Variants in IPCEF1 observed in about 807,000 individuals in gnomAD.
IPCEF1 encodes interaction protein for cytohesin exchange factors 1, also known as interactor protein for cytohesin exchange factors 1.
In IPCEF1, 31 loss-of-function variants were observed where a neutral mutation model predicts 50.9. That is an observed-to-expected ratio of 0.61 (90% CI 0.46 to 0.82). The LOEUF is 0.82. Among genes scored for constraint, IPCEF1 ranks in the 40% least tolerant of loss-of-function variants. IPCEF1 has a pLI of 0.00. For synonymous variants in IPCEF1, 181 were observed against 192.0 expected (o/e 0.94, Z 0.47); for missense variants, 458 against 514.0 (o/e 0.89, Z 1.05).
chr6:154,342,975 G>T (rs1036191882), intron 1 of IPCEF1, among the ~76,000 whole-genome samples: 1 of 152,080 alleles, frequency 6.6e-6, no homozygotes, highest in African/African-American at 2.4e-5. Flanking sequence ...AACTAGTAAG[G>T]CTTGGTCACA....
intron 1 of IPCEF1, among the ~76,000 whole-genome samples, chr6:154,354,312 C>T (rs1016634470): frequency 6.6e-6 from 1 of 151,960 alleles, no homozygotes; most frequent in Non-Finnish European, 1.5e-5. Context: ...GCCATCTGTA[C>T]CATCACCTCT....
At chr6:154,174,890 C>A (rs1800186674) in intron 10 of IPCEF1, among the ~76,000 whole-genome samples, 1 of 152,220 alleles carries the variant, frequency 6.6e-6, no homozygotes. Context: ...CACCACATCA[C>A]ACTTATTCTA....
intron 10 of IPCEF1, among the ~76,000 whole-genome samples, chr6:154,189,741 G>T (rs1263740819): frequency 6.6e-6 from 1 of 152,010 alleles, no homozygotes; most frequent in Non-Finnish European, 1.5e-5. Flanking sequence ...GGCCGAGGTG[G>T]GTGGATCACC....
chr6:154,273,403 C>A (rs1214627427), intron 2 of IPCEF1, among the ~76,000 whole-genome samples: 1 of 152,156 alleles, frequency 6.6e-6, no homozygotes, highest in Non-Finnish European at 1.5e-5. Context: ...TGTTTATAAG[C>A]GAGCATGTTC....
At chr6:154,283,252 C>T (rs9322459) in intron 2 of IPCEF1, among the ~76,000 whole-genome samples, 104,509 of 138,136 alleles carry the variant, frequency 0.76, 40,263 homozygotes, top group African/African-American at 0.91. Context: ...AGATCACGCA[C>T]TGCACTCCAG....
chr6:154,170,343 A>G (rs1445662995), intron 10 of IPCEF1, among the ~76,000 whole-genome samples: 2 of 152,210 alleles, frequency 1.3e-5, no homozygotes, highest in Non-Finnish European at 2.9e-5. Context: ...CAGCCTCTCC[A>G]TAGGGTGGAG....
At chr6:154,302,050 C>T (rs1020956551) in intron 1 of IPCEF1, among the ~76,000 whole-genome samples, 5 of 152,164 alleles carry the variant, frequency 3.3e-5, no homozygotes, top group African/African-American at 1.2e-4. Context: ...AGATAGACAA[C>T]TTCCAAATAA....
chr6:154,266,811 A>G (rs1562572593), intron 2 of IPCEF1, among the ~76,000 whole-genome samples: 2 of 152,078 alleles, frequency 1.3e-5, no homozygotes, highest in African/African-American at 4.8e-5. Context: ...TGTGGTTTCA[A>G]GAAAAGCAAA....
intron 1 of IPCEF1, among the ~76,000 whole-genome samples, chr6:154,344,776 AC>A (rs1783993463): frequency 1.3e-5 from 2 of 152,118 alleles, no homozygotes; most frequent in South Asian, 4.1e-4. Flanking sequence ...TTATTATTCA[AC>A]TTTTTTCTCC....
Position 154,175,727 on chromosome 6 carries a change from G to A in IPCEF1, c.911-7614C>T, listed in dbSNP as rs530025685. Among the ~76,000 whole-genome samples, 39 of 152,208 alleles carry A rather than the reference G, an allele frequency of 2.6e-4. 1 individual carries two copies. The highest frequency in any genetic ancestry group is 2.3e-3 in the East Asian group (12 of 5,180). ...TCCAGGACCAGATGGATTCGCAGCC[G>A]AATTCTACCAGAGGTACAAAGAGGA... On this transcript the variant is annotated intron_variant, in intron 10 of 11. Transcript: ENST00000367220.
At chr6:154,221,883 A>G (rs1478073251) in intron 6 of IPCEF1, among the ~76,000 whole-genome samples, 1 of 152,222 alleles carries the variant, frequency 6.6e-6, no homozygotes, top group Admixed American at 6.5e-5. Context: ...CAAAAAACAA[A>G]TAAATAAATA....
At chr6:154,185,268 T>C (rs1005011562) in intron 10 of IPCEF1, among the ~76,000 whole-genome samples, 4 of 152,214 alleles carry the variant, frequency 2.6e-5, no homozygotes, top group Non-Finnish European at 4.4e-5. Flanking sequence ...GGAGCAGCTA[T>C]AGACATGGAG....
chr6:154,281,309 C>T (rs1196760907), intron 2 of IPCEF1, among the ~76,000 whole-genome samples: 9 of 149,876 alleles, frequency 6.0e-5, no homozygotes, highest in Admixed American at 1.3e-4. Context: ...GGCGAGATAG[C>T]GCCACTACAC....
At chr6:154,322,437 A>T (rs1783407844) in intron 1 of IPCEF1, among the ~76,000 whole-genome samples, 1 of 152,112 alleles carries the variant, frequency 6.6e-6, no homozygotes, top group Admixed American at 6.5e-5. Context: ...ATGATGTGCT[A>T]TCACATACTT....
intron 1 of IPCEF1, among the ~76,000 whole-genome samples, chr6:154,323,073 G>T (rs943269140): frequency 6.6e-6 from 1 of 152,054 alleles, no homozygotes; most frequent in African/African-American, 2.4e-5. Context: ...ATTCCAGCAG[G>T]TGTTGTCAGC....
Position 154,310,349 on chromosome 6 carries a change from TTTTC to T in IPCEF1, c.-61-20597_-61-20594del, listed in dbSNP as rs564021325. Among the ~76,000 whole-genome samples the T allele has an allele frequency of 2.2e-3, 342 of 152,310 alleles. 2 individuals are homozygous for T. Among genetic ancestry groups the T allele is most frequent in the Non-Finnish European group, 3.7e-3 (250 of 68,030 alleles). ...CACCTCATACCTGTTAGAATGGCTA[TTTTC>T]TTTCTTTCTATTTTTTTGAAAACTA... On this transcript the variant is annotated intron_variant, in intron 1 of 11. Coordinates refer to ENST00000367220, the MANE Select transcript of IPCEF1 (RefSeq NM_001130700.2).
At chr6:154,228,789 A>C (rs1411075039) in intron 5 of IPCEF1, among the ~76,000 whole-genome samples, 1 of 152,182 alleles carries the variant, frequency 6.6e-6, no homozygotes, top group East Asian at 1.9e-4. Context: ...TTGGGCGGCC[A>C]AGGCGGGAGG....
At chr6:154,294,609 C>G (rs1016919329) in intron 1 of IPCEF1, among the ~76,000 whole-genome samples, 1 of 152,148 alleles carries the variant, frequency 6.6e-6, no homozygotes, top group Non-Finnish European at 1.5e-5. Flanking sequence ...TCTGGCTTCC[C>G]CTGTTCTGGG....
chr6:154,159,930 G>C lies in IPCEF1; in HGVS notation c.1215C>G (p.Ile405Met). The C allele has an allele frequency of 1.2e-6, 2 of 1,613,554 alleles. No individual in the cohort carries two copies. The highest frequency in any genetic ancestry group is 2.7e-5 in the African/African-American group (2 of 75,024). Residue 405 changes from isoleucine (I) to methionine (M), a missense_variant, in exon 12 of 12, where the codon ATC becomes ATG. Ile to Met is a conservative substitution (Grantham distance 10). Coordinates refer to ENST00000367220, the MANE Select transcript of IPCEF1 (RefSeq NM_001130700.2). Reference protein sequence around the residue: ...KVMNTLLIQDIYQQQRASPAP... With the variant: ...KVMNTLLIQDMYQQQRASPAP... ...CAGGCGAAGCCCGCTGCTGCTGATA[G>C]ATGTCCTGGATCAGCAGGGTGTTCA... is the stretch of plus-strand genomic sequence containing the variant.
Sources: gnomAD v4.1 joint callset for allele counts (sites outside exome capture counted in the v4.1 genomes callset) on GRCh38, gnomAD v4.1.1 for gene constraint, MANE v1.5 for transcripts, NCBI Gene and HGNC (gene_info 2026-07-23, HGNC 2026-07-21) for gene names.